MSRB3: variants seen among roughly 807,000 people sequenced by gnomAD.
MSRB3 encodes methionine-R-sulfoxide reductase B3.
A neutral mutation model predicts 21.0 loss-of-function variants in MSRB3; 13 were observed. The ratio of observed to expected loss-of-function variants is 0.62; its 90% CI spans 0.40 to 0.98. MSRB3 has a LOEUF of 0.98. Among genes scored for constraint, MSRB3 ranks in the 50% least tolerant of loss-of-function variants. MSRB3 has a pLI of 0.00. For missense variants in MSRB3, 199 were observed against 230.3 expected (o/e 0.86, Z 0.88); for synonymous variants, 87 against 88.6 (o/e 0.98, Z 0.10).
At chr12:65,307,080 A>C in intron 1 of MSRB3, 4 of 972,954 alleles carry the variant, frequency 4.1e-6, no homozygotes, top group Non-Finnish European at 4.9e-6. Flanking sequence ...GTCACAGGGA[A>C]AAAATACATT....
At chr12:65,292,603 T>C (rs1872726120) in intron 1 of MSRB3, among the ~76,000 whole-genome samples, 1 of 152,146 alleles carries the variant, frequency 6.6e-6, no homozygotes, top group South Asian at 2.1e-4. Context: ...TCTCATTTAG[T>C]ACACTTTCTT....
At chr12:65,359,501 C>G (rs1035580753) in intron 4 of MSRB3, among the ~76,000 whole-genome samples, 9 of 152,028 alleles carry the variant, frequency 5.9e-5, no homozygotes, top group African/African-American at 2.2e-4. Flanking sequence ...GCTTCATCCC[C>G]CAGAGAACAC....
At chr12:65,314,121 T>C (rs565048245) in intron 2 of MSRB3, among the ~76,000 whole-genome samples, 1 of 152,292 alleles carries the variant, frequency 6.6e-6, no homozygotes, top group Non-Finnish European at 1.5e-5. Flanking sequence ...TCCCTTATGC[T>C]TGGCCATCTC....
intron 6 of MSRB3, among the ~76,000 whole-genome samples, chr12:65,458,822 A>C (rs1156648342): frequency 6.6e-6 from 1 of 152,176 alleles, no homozygotes; most frequent in Non-Finnish European, 1.5e-5. Context: ...ATTTTCCTTG[A>C]TTTAATTTAT....
intron 1 of MSRB3, among the ~76,000 whole-genome samples, chr12:65,288,004 G>T (rs1872472886): frequency 2.0e-5 from 3 of 152,036 alleles, no homozygotes; most frequent in African/African-American, 7.2e-5. Flanking sequence ...AATACCTGGT[G>T]TTGCTTTAAG....
intron 6 of MSRB3, among the ~76,000 whole-genome samples, chr12:65,462,531 A>G (rs1454979237): frequency 6.6e-6 from 1 of 152,222 alleles, no homozygotes; most frequent in Non-Finnish European, 1.5e-5. Context: ...AGCCAGCATG[A>G]CACTACTTGT....
At chr12:65,306,054 A>G (rs1873635518) in intron 1 of MSRB3, among the ~76,000 whole-genome samples, 1 of 152,168 alleles carries the variant, frequency 6.6e-6, no homozygotes, top group Non-Finnish European at 1.5e-5. Flanking sequence ...AGGCCCCGAG[A>G]GGGTAAGCAA....
At chr12:65,297,655 A>T (rs1873057904) in intron 1 of MSRB3, among the ~76,000 whole-genome samples, 1 of 152,192 alleles carries the variant, frequency 6.6e-6, no homozygotes, top group Admixed American at 6.5e-5. Flanking sequence ...AACAAACCTG[A>T]TGGGTCTTGA....
intron 1 of MSRB3, among the ~76,000 whole-genome samples, chr12:65,297,536 G>A (rs1384035633): frequency 6.6e-6 from 1 of 152,192 alleles, no homozygotes; most frequent in Admixed American, 6.5e-5. Context: ...GCCTGCTAAG[G>A]TTAGGCATCG....
chr12:65,350,150 C>A (rs969475038), intron 4 of MSRB3, among the ~76,000 whole-genome samples: 2 of 151,612 alleles, frequency 1.3e-5, no homozygotes, highest in Non-Finnish European at 2.9e-5. Flanking sequence ...TTCCCAGCAC[C>A]ATTTATTAAA....
chr12:65,436,560 C>A (rs1030664169), intron 5 of MSRB3, among the ~76,000 whole-genome samples: 2 of 151,632 alleles, frequency 1.3e-5, no homozygotes, highest in Non-Finnish European at 2.9e-5. Flanking sequence ...TTCAAGAAAC[C>A]CTGATTTGGG....
chr12:65,406,892 G>A (rs1346292661), intron 5 of MSRB3, among the ~76,000 whole-genome samples: 2 of 152,170 alleles, frequency 1.3e-5, no homozygotes, highest in South Asian at 2.1e-4. Flanking sequence ...TGAGGACCTG[G>A]CACCCGAGGC....
chr12:65,421,347 C>T (rs568889106), intron 5 of MSRB3, among the ~76,000 whole-genome samples: 2 of 152,104 alleles, frequency 1.3e-5, no homozygotes, highest in African/African-American at 2.4e-5. Context: ...AAGTTTCTTA[C>T]AGGTGCTGGC....
chr12:65,335,645 A>G (rs1384819353), intron 4 of MSRB3, among the ~76,000 whole-genome samples: 2 of 152,172 alleles, frequency 1.3e-5, no homozygotes, highest in Non-Finnish European at 2.9e-5. Context: ...ATGTAAGAGC[A>G]CAGTGAGAAG....
intron 6 of MSRB3, among the ~76,000 whole-genome samples, chr12:65,462,167 C>T (rs1277164774): frequency 6.6e-6 from 1 of 152,134 alleles, no homozygotes; most frequent in Non-Finnish European, 1.5e-5. Flanking sequence ...TTCTTTGATC[C>T]ATGATAAATG....
intron 5 of MSRB3, among the ~76,000 whole-genome samples, chr12:65,399,373 G>C (rs12825748): frequency 0.28 from 42,731 of 152,006 alleles, 6,508 homozygotes; most frequent in South Asian, 0.38. Context: ...TACCTATTGT[G>C]AATGGGAGTT....
chr12:65,350,627 C>G (rs1244520633), intron 4 of MSRB3, among the ~76,000 whole-genome samples: 3 of 148,082 alleles, frequency 2.0e-5, no homozygotes, highest in African/African-American at 7.7e-5. Flanking sequence ...ATCTACCAAG[C>G]AAATGGAAAA....
At chr12:65,438,018 G>T (rs1882199551) in intron 5 of MSRB3, among the ~76,000 whole-genome samples, 1 of 151,898 alleles carries the variant, frequency 6.6e-6, no homozygotes, top group Admixed American at 6.6e-5. Flanking sequence ...AGATAATTAT[G>T]CCACTGACTT....
intron 5 of MSRB3, among the ~76,000 whole-genome samples, chr12:65,429,705 A>T (rs968683592): frequency 3.9e-5 from 6 of 152,200 alleles, no homozygotes; most frequent in African/African-American, 7.2e-5. Flanking sequence ...ATCTGGAAAT[A>T]TTAAAGGAAG....
Sources: gnomAD v4.1 joint callset for allele counts (sites outside exome capture counted in the v4.1 genomes callset) on GRCh38, gnomAD v4.1.1 for gene constraint, MANE v1.5 for transcripts, NCBI Gene and HGNC (gene_info 2026-07-23, HGNC 2026-07-21) for gene names.